The following RBFOX1 variants were observed in gnomAD, a reference collection of about 807,000 sequenced individuals.
RBFOX1 encodes the protein RNA binding protein fox-1 homolog 1.
A neutral mutation model predicts 57.7 loss-of-function variants in RBFOX1; 8 were observed. That is an observed-to-expected ratio of 0.14 (90% CI 0.08 to 0.25). RBFOX1 has a LOEUF of 0.25. RBFOX1 is among the 10% of genes least tolerant of loss of function. RBFOX1 has a pLI of 1.00. For missense variants in RBFOX1, 611 were observed against 548.5 expected (o/e 1.11, Z -1.14); for synonymous variants, 326 against 222.4 (o/e 1.47, Z -4.15).
intron 3 of RBFOX1, among the ~76,000 whole-genome samples, chr16:6,829,175 C>G (rs12934123): frequency 0.14 from 21,045 of 149,190 alleles, 1,616 homozygotes; most frequent in Non-Finnish European, 0.17. Flanking sequence ...TTCAAGAAAC[C>G]AAAGAAATGT....
intron 3 of RBFOX1, among the ~76,000 whole-genome samples, chr16:6,783,292 TGTC>T (rs1186942304): frequency 6.6e-6 from 1 of 151,820 alleles, no homozygotes; most frequent in African/African-American, 2.4e-5. Context: ...TTGTTGTTGT[TGTC>T]ATTTTGTTAG....
At chr16:7,039,977 C>G (rs1010246788) in intron 3 of RBFOX1, among the ~76,000 whole-genome samples, 7 of 151,274 alleles carry the variant, frequency 4.6e-5, no homozygotes, top group Non-Finnish European at 8.8e-5. Context: ...CCTACATTTA[C>G]TCTTTTGGTG....
At chr16:7,141,955 A>C (rs1259447142) in intron 4 of RBFOX1, among the ~76,000 whole-genome samples, 1 of 151,800 alleles carries the variant, frequency 6.6e-6, no homozygotes, top group Admixed American at 6.6e-5. Flanking sequence ...GCGGGATCCT[A>C]TTTCTTATTT....
At chr16:5,842,341 G>C (rs1233712526) in intron 3 of RBFOX1, among the ~76,000 whole-genome samples, 4 of 152,116 alleles carry the variant, frequency 2.6e-5, no homozygotes, top group African/African-American at 7.2e-5. Flanking sequence ...TCTGGCAGGA[G>C]GGTTTAGGGA....
intron 1 of RBFOX1, among the ~76,000 whole-genome samples, chr16:5,285,878 TCTC>T (rs903127961): frequency 2.0e-5 from 3 of 152,128 alleles, no homozygotes; most frequent in Non-Finnish European, 2.9e-5. Context: ...TTCAAGCGAT[TCTC>T]CTGCCTCAGC....
intron 11 of RBFOX1, among the ~76,000 whole-genome samples, chr16:7,646,838 T>G (rs1214812337): frequency 6.6e-6 from 1 of 152,150 alleles, no homozygotes; most frequent in Non-Finnish European, 1.5e-5. Flanking sequence ...ATGATCTCAT[T>G]TGTGTTTATT....
chr16:5,544,178 C>A (rs934556653), intron 2 of RBFOX1, among the ~76,000 whole-genome samples: 2 of 152,106 alleles, frequency 1.3e-5, no homozygotes, highest in African/African-American at 4.8e-5. Flanking sequence ...ATTTTCTGGG[C>A]CATTAAACCA....
intron 2 of RBFOX1, among the ~76,000 whole-genome samples, chr16:5,484,046 C>G (rs2069640865): frequency 6.6e-6 from 1 of 152,138 alleles, no homozygotes; most frequent in Admixed American, 6.5e-5. Flanking sequence ...TGGTGTGTAC[C>G]TATAGTCCCA....
chr16:6,154,989 A>C (rs1287800760), intron 1 of RBFOX1, among the ~76,000 whole-genome samples: 1 of 152,228 alleles, frequency 6.6e-6, no homozygotes. Flanking sequence ...GAATATTCTC[A>C]ATGCTTCCAT....
chr16:5,489,454 T>C (rs1851772959), intron 2 of RBFOX1, among the ~76,000 whole-genome samples: 1 of 152,242 alleles, frequency 6.6e-6, no homozygotes, highest in Non-Finnish European at 1.5e-5. Flanking sequence ...CTGGATAGAC[T>C]TCCATTCAAG....
chr16:5,703,647 T>C (rs2051133536), intron 3 of RBFOX1, among the ~76,000 whole-genome samples: 1 of 152,202 alleles, frequency 6.6e-6, no homozygotes, highest in African/African-American at 2.4e-5. Context: ...GCTCAGCCAC[T>C]GAATAGGTTA....
chr16:5,911,180 C>A (rs1440275093), intron 4 of RBFOX1, among the ~76,000 whole-genome samples: 2 of 152,188 alleles, frequency 1.3e-5, no homozygotes, highest in East Asian at 1.9e-4. Context: ...GCAGACAAAT[C>A]TTGCAGCCCA....
chr16:7,645,325 C>A (rs566529482), intron 11 of RBFOX1, among the ~76,000 whole-genome samples: 6 of 152,164 alleles, frequency 3.9e-5, no homozygotes, highest in Non-Finnish European at 8.8e-5. Context: ...TCAATTTCCT[C>A]GTGCCATGTC....
intron 3 of RBFOX1, among the ~76,000 whole-genome samples, chr16:6,748,252 C>A (rs576628795): frequency 6.6e-6 from 1 of 151,962 alleles, no homozygotes; most frequent in East Asian, 1.9e-4. Flanking sequence ...ACAGACCCAG[C>A]CTTCTTTTCT....
intron 2 of RBFOX1, among the ~76,000 whole-genome samples, chr16:6,578,834 A>G (rs1173689534): frequency 6.6e-6 from 1 of 152,144 alleles, no homozygotes; most frequent in East Asian, 1.9e-4. Context: ...TTGCTAAAAA[A>G]TAATCTTTGC....
At chr16:6,358,115 C>A (rs895152816) in intron 2 of RBFOX1, among the ~76,000 whole-genome samples, 2 of 152,108 alleles carry the variant, frequency 1.3e-5, no homozygotes, top group African/African-American at 4.8e-5. Context: ...CTGGATGTAC[C>A]CTCCAACTGT....
rs7193053 is a variant in RBFOX1 at position 6,019,483 on chromosome 16, C to T, written c.-636C>T. ...CTCGCGGAGGGGAATCCCTCCCCCT[C>T]CGCCCCAGCCCCCCAGCAGCACCCG... On this transcript the variant is annotated 5_prime_UTR_variant, in exon 1 of 16. Coordinates refer to ENST00000550418, the MANE Select transcript of RBFOX1 (RefSeq NM_018723.4). This position sits in a 1 kb window ranked among gnomAD's most constrained non-coding sequence, Gnocchi z 4.2. The T allele has an allele frequency of 0.37, 367,771 of 1,004,844 alleles. 67,973 individuals carry two copies. Among genetic ancestry groups the T allele is most frequent in the East Asian group, 0.46 (4,757 of 10,338 alleles). 62.2% of individuals were successfully genotyped at this position (1,004,844 alleles called of 1,614,324 possible). A position where few individuals can be genotyped will look rare whatever the true frequency, so the allele number is the denominator to read the frequency against.
chr16:6,923,449 C>T (rs926204843), intron 3 of RBFOX1, among the ~76,000 whole-genome samples: 5 of 152,150 alleles, frequency 3.3e-5, no homozygotes, highest in African/African-American at 9.7e-5. Flanking sequence ...AGGAGAGTTG[C>T]TGGAAACCGG....
At chr16:6,723,514 T>A (rs1480999842) in intron 3 of RBFOX1, among the ~76,000 whole-genome samples, 1 of 152,198 alleles carries the variant, frequency 6.6e-6, no homozygotes, top group East Asian at 1.9e-4. Context: ...ATAGATTGTG[T>A]TTGTATGTGC....
Sources: gnomAD v4.1 joint callset for allele counts (sites outside exome capture counted in the v4.1 genomes callset) on GRCh38, gnomAD v4.1.1 for gene constraint, Gnocchi (gnomAD v3.1) non-coding constraint, MANE v1.5 for transcripts, NCBI Gene and HGNC (gene_info 2026-07-23, HGNC 2026-07-21) for gene names.